Variants in INPP4B observed in about 807,000 individuals in gnomAD.
INPP4B encodes the protein inositol polyphosphate 4-phosphatase type II.
In INPP4B, 55 loss-of-function variants were observed where a neutral mutation model predicts 122.5. The ratio of observed to expected loss-of-function variants is 0.45; its 90% confidence interval spans 0.36 to 0.56. The LOEUF (loss-of-function observed/expected upper bound fraction) is 0.56, where lower values mean the gene tolerates loss of function less well. Ranked by LOEUF, INPP4B falls within the 20% of genes least tolerant of loss-of-function variation. The probability of loss-of-function intolerance (pLI) is 0.00; values close to 1 mark genes in which losing one functional copy is unlikely to be tolerated. For synonymous variants in INPP4B, 403 were observed against 388.7 expected (o/e 1.04, Z -0.43); for missense variants, 1,000 against 1,097.7 (o/e 0.91, Z 1.26).
At chr4:142,103,935 T>C (rs1456962733) in intron 23 of INPP4B, among the ~76,000 whole-genome samples, 2 of 151,994 alleles carry the variant, frequency 1.3e-5, no homozygotes, top group Non-Finnish European at 2.9e-5. Context: ...AAACACTATA[T>C]ATAAAACACT....
chr4:142,300,518 CATCTCTAGGCATAAA>C (rs2151113238), intron 9 of INPP4B, among the ~76,000 whole-genome samples: 1 of 152,180 alleles, frequency 6.6e-6, no homozygotes, highest in Admixed American at 6.5e-5. Flanking sequence ...TTGGATCTTA[CATCTCTAGGCATAAA>C]CATTTGACAA....
intron 2 of INPP4B, among the ~76,000 whole-genome samples, chr4:142,494,797 A>T (rs1560721391): frequency 6.6e-6 from 1 of 152,084 alleles, no homozygotes; most frequent in Non-Finnish European, 1.5e-5. Context: ...TTTGCATAGG[A>T]CACCTCCGTC....
At chr4:142,314,617 T>G in intron 8 of INPP4B, 95 bp downstream of exon 8, 1 of 1,166,902 alleles carries the variant, frequency 8.6e-7, no homozygotes, top group South Asian at 1.4e-5. Context: ...TAATTCAATT[T>G]TATTTGTCAG....
intron 17 of INPP4B, among the ~76,000 whole-genome samples, chr4:142,146,248 C>G (rs1365259335): frequency 6.6e-6 from 1 of 151,984 alleles, no homozygotes; most frequent in East Asian, 1.9e-4. Flanking sequence ...GAAATGATGA[C>G]CATCATACAA....
chr4:142,151,296 T>C (rs1813766401), intron 17 of INPP4B, among the ~76,000 whole-genome samples: 1 of 151,962 alleles, frequency 6.6e-6, no homozygotes, highest in Admixed American at 6.6e-5. Flanking sequence ...ACACACCACA[T>C]ATCAACATCC....
chr4:142,823,606 G>A (rs978320018), intron 1 of INPP4B, among the ~76,000 whole-genome samples: 23 of 152,140 alleles, frequency 1.5e-4, no homozygotes, highest in African/African-American at 2.4e-4. Flanking sequence ...CTGTTTATAC[G>A]TCATATAAGT....
At position 142,776,869 on chromosome 4, in the gene INPP4B, G is replaced by T. The variant is rs186130259; in HGVS notation, c.-253-50968C>A. On this transcript the variant is annotated intron_variant, in intron 1 of 25. Coordinates refer to ENST00000262992, the MANE Select transcript of INPP4B (RefSeq NM_001101669.3). Reference sequence around the variant, plus strand: ...GATTAAGCTCTAGGAAAGCTCTAGTGAGCTAGTCCACACATGAATTCTGGC... The same window carrying T: ...GATTAAGCTCTAGGAAAGCTCTAGTTAGCTAGTCCACACATGAATTCTGGC... Among the ~76,000 whole-genome samples the T allele has an allele frequency of 1.1e-4, 16 of 152,250 alleles. No individual in the cohort carries two copies. The East Asian group carries it at 2.5e-3, about 24-fold the overall frequency.
At chr4:142,249,787 A>G (rs1427744032) in intron 11 of INPP4B, among the ~76,000 whole-genome samples, 2 of 152,200 alleles carry the variant, frequency 1.3e-5, no homozygotes, top group African/African-American at 4.8e-5. Flanking sequence ...CCCATTTATC[A>G]TCGCTGTGCT....
At chr4:142,309,445 G>C (rs1247249984) in intron 8 of INPP4B, among the ~76,000 whole-genome samples, 1 of 152,134 alleles carries the variant, frequency 6.6e-6, no homozygotes, top group African/African-American at 2.4e-5. Flanking sequence ...CCTTATAGCT[G>C]TTAGTAGTAT....
intron 23 of INPP4B, among the ~76,000 whole-genome samples, chr4:142,103,256 A>G (rs1040469446): frequency 2.0e-5 from 3 of 151,954 alleles, no homozygotes; most frequent in African/African-American, 7.2e-5. Flanking sequence ...ATCTCCAATA[A>G]TTTCTACTTT....
chr4:142,236,090 A>G (rs879675003), intron 12 of INPP4B, among the ~76,000 whole-genome samples: 1 of 152,172 alleles, frequency 6.6e-6, no homozygotes, highest in Non-Finnish European at 1.5e-5. Flanking sequence ...TGTGTTTCTC[A>G]GGTCCTGCCT....
At chr4:142,827,586 A>G (rs1013557674) in intron 1 of INPP4B, among the ~76,000 whole-genome samples, 1 of 152,234 alleles carries the variant, frequency 6.6e-6, no homozygotes, top group Non-Finnish European at 1.5e-5. Flanking sequence ...AACATACTTA[A>G]CATTGTCTAT....
At chr4:142,584,330 T>C (rs1481358779) in intron 2 of INPP4B, among the ~76,000 whole-genome samples, 2 of 152,166 alleles carry the variant, frequency 1.3e-5, no homozygotes, top group African/African-American at 4.8e-5. Context: ...TTGATGAACA[T>C]TGATACATTA....
chr4:142,278,375 A>T (rs1749603952), intron 9 of INPP4B, among the ~76,000 whole-genome samples: 1 of 151,854 alleles, frequency 6.6e-6, no homozygotes, highest in Non-Finnish European at 1.5e-5. Context: ...CTCCAGGAGA[A>T]TTCTTTTAGT....
chr4:142,783,045 TA>T (rs1454552230), intron 1 of INPP4B, among the ~76,000 whole-genome samples: 1 of 151,792 alleles, frequency 6.6e-6, no homozygotes, highest in African/African-American at 2.4e-5. Context: ...ACGTTAGACC[TA>T]AAACCATAAA....
At chr4:142,340,749 CT>C (rs1778428559) in intron 7 of INPP4B, among the ~76,000 whole-genome samples, 1 of 152,080 alleles carries the variant, frequency 6.6e-6, no homozygotes, top group African/African-American at 2.4e-5. Flanking sequence ...GGGGAGGAAC[CT>C]CGGCTTTATT....
chr4:142,221,793 G>A (rs778551348), intron 12 of INPP4B, among the ~76,000 whole-genome samples: 1 of 152,142 alleles, frequency 6.6e-6, no homozygotes, highest in African/African-American at 2.4e-5. Flanking sequence ...AGGTGACTGA[G>A]AAACTAAATG....
At chr4:142,360,352 T>C (rs1045586777) in intron 7 of INPP4B, among the ~76,000 whole-genome samples, 1 of 151,960 alleles carries the variant, frequency 6.6e-6, no homozygotes, top group Non-Finnish European at 1.5e-5. Context: ...CTTTGTTTTG[T>C]TCCAGAGAAG....
At chr4:142,751,571 C>A (rs2150950475) in intron 1 of INPP4B, among the ~76,000 whole-genome samples, 1 of 152,190 alleles carries the variant, frequency 6.6e-6, no homozygotes, top group Admixed American at 6.6e-5. Flanking sequence ...TTTTTAAATT[C>A]ATGTTTCCTA....
Sources: gnomAD v4.1 joint callset for allele counts (sites outside exome capture counted in the v4.1 genomes callset) on GRCh38, gnomAD v4.1.1 for gene constraint, MANE v1.5 for transcripts, NCBI Gene and HGNC (gene_info 2026-07-23, HGNC 2026-07-21) for gene names.